NBEA: variants seen among roughly 807,000 people sequenced by gnomAD.
NBEA encodes the protein lysosomal-trafficking regulator 2.
Under a neutral mutation model 343.4 loss-of-function variants are expected in NBEA, and 44 were observed. That is an observed-to-expected ratio of 0.13 (90% CI 0.10 to 0.16). NBEA has a LOEUF of 0.16. Among genes scored for constraint, NBEA ranks in the 10% least tolerant of loss-of-function variants. The pLI is 1.00. For missense variants in NBEA, 2,555 were observed against 3,631.3 expected, an observed-to-expected ratio of 0.70 and a Z score of 7.62; for synonymous variants, 1,175 against 1,238.7, an observed-to-expected ratio of 0.95 and a Z score of 1.08.
chr13:35,070,665 A>T, intron 9 of NBEA, 54 bp from the exon 10 acceptor site: 1 of 1,433,130 alleles, frequency 7.0e-7, no homozygotes, highest in Non-Finnish European at 9.5e-7. Flanking sequence ...ACAAGGAAAT[A>T]GTGATGAAAT....
At position 35,405,819 on chromosome 13, in the gene NBEA, G is replaced by A. The variant is rs187125598; in HGVS notation, c.6180-26450G>A. 1.3e-4 allele frequency among the ~76,000 whole-genome samples: 20 copies of A among 152,222 alleles called. No homozygotes were observed. The East Asian group carries it at 3.7e-3, about 28-fold the overall frequency. On this transcript the variant is annotated intron_variant, in intron 38 of 58. Coordinates refer to ENST00000379939, the MANE Select transcript of NBEA (RefSeq NM_001385012.1). ...TCCATATAGCAGTAATTATTAAGATGAAAGAATGCCTACTTTCTTCCAAGT... is the reference window on the plus strand; with the variant it reads ...TCCATATAGCAGTAATTATTAAGATAAAAGAATGCCTACTTTCTTCCAAGT...
At chr13:35,563,211 C>A (rs1208320994) in intron 44 of NBEA, among the ~76,000 whole-genome samples, 1 of 151,480 alleles carries the variant, frequency 6.6e-6, no homozygotes, top group Non-Finnish European at 1.5e-5. Flanking sequence ...TATTTACTTA[C>A]CACTGCTGGA....
rs574929690 is a variant in NBEA at position 35,020,657 on chromosome 13, A to G, written c.295-20276A>G. Reference sequence around the variant, plus strand: ...CCTCAGCCTCCGAGTAGCTTGGACTACAGCTGCGTGCCACCACACCCAGCT... The same window carrying G: ...CCTCAGCCTCCGAGTAGCTTGGACTGCAGCTGCGTGCCACCACACCCAGCT... On this transcript the variant is annotated intron_variant, in intron 1 of 58. Transcript: ENST00000379939. Among the ~76,000 whole-genome samples the G allele has an allele frequency of 3.3e-5, 5 of 152,278 alleles. No homozygotes were observed. The East Asian group carries it at 9.7e-4, about 29-fold the overall frequency.
intron 34 of NBEA, among the ~76,000 whole-genome samples, chr13:35,276,862 T>C (rs372344783): frequency 4.3e-4 from 66 of 152,306 alleles, no homozygotes; most frequent in African/African-American, 1.6e-3. Context: ...AAAGTCCACG[T>C]TTTTTTAATT....
chr13:34,987,538 C>T (rs940685304), intron 1 of NBEA, among the ~76,000 whole-genome samples: 1 of 150,792 alleles, frequency 6.6e-6, no homozygotes, highest in African/African-American at 2.4e-5. Flanking sequence ...TGAATGTTGG[C>T]CTGTCTTGCT....
intron 34 of NBEA, among the ~76,000 whole-genome samples, chr13:35,247,313 C>T (rs2152783888): frequency 6.6e-6 from 1 of 152,276 alleles, no homozygotes; most frequent in East Asian, 1.9e-4. Context: ...ACTTCACATT[C>T]ATTTGGAATT....
chr13:35,583,931 T>C lies in NBEA; in HGVS notation c.7069T>C (p.Phe2357Leu). The change falls in exon 46 of 59, where the codon TTT becomes CTT. Residue 2357 changes from phenylalanine to leucine, a missense_variant. Phe to Leu is a conservative substitution (Grantham distance 22). Transcript: ENST00000379939. ...TGCTTTGAACCCCAAGAGAGCTGTG[T>C]TTTATGCAGAGCGTTATGAGACATG... ...IGALNPKRAV[F>L]YAERYETWED... The C allele has an allele frequency of 6.2e-7, 1 of 1,613,600 alleles. No homozygotes were observed. Among genetic ancestry groups the C allele is most frequent in the South Asian group, 1.1e-5 (1 of 91,006 alleles).
intron 9 of NBEA, 119 bp from the exon 10 acceptor site, chr13:35,070,600 G>T: frequency 2.2e-6 from 2 of 909,818 alleles, no homozygotes; most frequent in Non-Finnish European, 1.5e-6. Flanking sequence ...AATTATAATT[G>T]AAGGCTTAAA....
At chr13:35,231,430 G>T (rs538685456) in intron 33 of NBEA, among the ~76,000 whole-genome samples, 2 of 151,966 alleles carry the variant, frequency 1.3e-5, no homozygotes, top group South Asian at 4.1e-4. Flanking sequence ...AATGTTACCT[G>T]GCATTGTGGC....
chr13:35,368,658 T>C (rs1046166250), intron 38 of NBEA, among the ~76,000 whole-genome samples: 2 of 151,608 alleles, frequency 1.3e-5, no homozygotes, highest in Non-Finnish European at 3.0e-5. Flanking sequence ...TCCAGATATT[T>C]TAAGTGGCTG....
chr13:35,021,509 C>T (rs1346870470), intron 1 of NBEA, among the ~76,000 whole-genome samples: 4 of 152,066 alleles, frequency 2.6e-5, no homozygotes, highest in South Asian at 4.1e-4. Flanking sequence ...CTGTTTATTC[C>T]GTATTTATTA....
intron 36 of NBEA, among the ~76,000 whole-genome samples, chr13:35,334,249 G>A (rs1344576078): frequency 1.3e-5 from 2 of 152,080 alleles, no homozygotes; most frequent in East Asian, 1.9e-4. Flanking sequence ...TAACTGGCAT[G>A]AGATGGTATC....
At chr13:35,581,884 T>TAAAAAAAAAAAA (rs67036210) in intron 45 of NBEA, among the ~76,000 whole-genome samples, 1 of 110,468 alleles carries the variant, frequency 9.1e-6, no homozygotes, top group African/African-American at 3.8e-5. Context: ...AAAGTATAAT[T>TAAAAAAAAAAAA]AAAAAAAAAA....
At chr13:35,037,493 G>T (rs1261527123) in intron 1 of NBEA, among the ~76,000 whole-genome samples, 2 of 152,056 alleles carry the variant, frequency 1.3e-5, no homozygotes, top group African/African-American at 4.8e-5. Flanking sequence ...TGAAGAGTTA[G>T]GTATTTATTG....
At chr13:35,251,624 C>A in intron 34 of NBEA, 1 of 1,132,782 alleles carries the variant, frequency 8.8e-7, no homozygotes, top group Non-Finnish European at 1.1e-6. Flanking sequence ...GCAGAGATGG[C>A]CAGATTTGAG....
intron 34 of NBEA, among the ~76,000 whole-genome samples, chr13:35,257,931 A>G (rs1243945912): frequency 6.6e-6 from 1 of 152,184 alleles, no homozygotes; most frequent in Admixed American, 6.5e-5. Flanking sequence ...AGGAAATTTG[A>G]AAGACTCTTC....
At chr13:35,169,377 A>T (rs117875997) in intron 25 of NBEA, among the ~76,000 whole-genome samples, 6,312 of 151,466 alleles carry the variant, frequency 0.042, 220 homozygotes, top group Admixed American at 0.11. Flanking sequence ...TTCATTTTTT[A>T]AATTACTTTT....
chr13:35,350,136 A>T (rs1472602899), intron 37 of NBEA, among the ~76,000 whole-genome samples: 2 of 152,146 alleles, frequency 1.3e-5, no homozygotes, highest in African/African-American at 4.8e-5. Context: ...TCCCTGCAGG[A>T]TCAGTTTTGA....
Position 35,353,717 on chromosome 13 carries a change from A to T in NBEA, c.6179+1394A>T, listed in dbSNP as rs984100976. Among the ~76,000 whole-genome samples the T allele has an allele frequency of 3.3e-5, 5 of 152,286 alleles. 1 individual carries two copies. The highest frequency in any genetic ancestry group is 3.3e-4 in the Admixed American group (5 of 15,284). On this transcript the variant is annotated intron_variant, in intron 38 of 58. Transcript: ENST00000379939. ...CCTTTATCCTTGAACATCTTTATTA[A>T]GGGTGACATTGAGGTATTCTCCATT... is the stretch of plus-strand genomic sequence containing the variant.
Sources: allele counts gnomAD v4.1 joint callset (sites outside exome capture counted in the v4.1 genomes callset), GRCh38; gene constraint gnomAD v4.1.1; transcripts MANE v1.5; gene names NCBI Gene and HGNC (gene_info 2026-07-23, HGNC 2026-07-21).